The following KDM4B variants were observed in gnomAD, a reference collection of about 807,000 sequenced individuals.
KDM4B encodes lysine-specific demethylase 4B.
In KDM4B, 32 loss-of-function variants were observed where a neutral mutation model predicts 125.2. The ratio of observed to expected loss-of-function variants is 0.26; its 90% confidence interval spans 0.19 to 0.34. KDM4B has a LOEUF of 0.34. Among genes scored for constraint, KDM4B ranks in the 10% least tolerant of loss-of-function variants. KDM4B has a pLI of 1.00. For synonymous variants in KDM4B, 721 were observed against 677.9 expected (o/e 1.06, Z -0.99); for missense variants, 1,190 against 1,577.7 (o/e 0.75, Z 4.16).
At chr19:5,086,326 C>G (rs973248588) in intron 9 of KDM4B, among the ~76,000 whole-genome samples, 1 of 151,954 alleles carries the variant, frequency 6.6e-6, no homozygotes, top group Admixed American at 6.6e-5. Flanking sequence ...AGCTAGGGCT[C>G]GGATCTGGTA....
intron 1 of KDM4B, among the ~76,000 whole-genome samples, chr19:4,980,421 C>CTTTTTT (rs572345837): frequency 9.1e-5 from 10 of 109,728 alleles, no homozygotes; most frequent in Non-Finnish European, 1.1e-4. Context: ...CCTTTTCTTT[C>CTTTTTT]TTTTTTTTTT....
chr19:5,080,288 T>C (rs2038249628), intron 8 of KDM4B, among the ~76,000 whole-genome samples: 1 of 152,236 alleles, frequency 6.6e-6, no homozygotes, highest in South Asian at 2.1e-4. Flanking sequence ...TCTGATGGCT[T>C]ATTGGCGACT....
chr19:4,977,680 C>G (rs2034495598), intron 1 of KDM4B, among the ~76,000 whole-genome samples: 1 of 152,200 alleles, frequency 6.6e-6, no homozygotes, highest in South Asian at 2.1e-4. Context: ...TTCCTTTTGA[C>G]CACAGAGCCA....
chr19:5,077,521 C>A, intron 8 of KDM4B, 51 bp downstream of exon 8: 2 of 1,504,044 alleles, frequency 1.3e-6, no homozygotes, highest in East Asian at 2.3e-5. Flanking sequence ...GTACCGGGTC[C>A]AAGCCCAGGT....
chr19:5,109,136 C>T (rs892446139), intron 9 of KDM4B, among the ~76,000 whole-genome samples: 3 of 152,224 alleles, frequency 2.0e-5, no homozygotes, highest in South Asian at 2.1e-4. Flanking sequence ...CAGAGTTTCT[C>T]GAAGCTGAAA....
In KDM4B at chr19:5,021,614, A is replaced by G. The variant is rs116039699; in HGVS notation, c.-26+5275A>G. ...AACAAACACTGAAGGAAAAGAGTAG[A>G]TAGAGTGCAGGCCTGGCACAGGTTT... On this transcript the variant is annotated intron_variant, in intron 2 of 22. Coordinates refer to ENST00000159111, the MANE Select transcript of KDM4B (RefSeq NM_015015.3). Among the ~76,000 whole-genome samples, 136 of 150,818 alleles carry G rather than the reference A, an allele frequency of 9.0e-4. 2 individuals carry two copies. The highest frequency in any genetic ancestry group is 2.8e-3 in the African/African-American group (116 of 41,060).
rs1012193653 is a variant in KDM4B, at chr19:5,002,913, T to A, written c.-108-13344T>A. The stretch of plus-strand genomic sequence containing the variant: ...CTGCCATGAGCTATGATCACACCAC[T>A]GTACTCCAGCCTGAGTGACAGAGCG... On this transcript the variant is annotated intron_variant, in intron 1 of 22. Coordinates refer to ENST00000159111, the MANE Select transcript of KDM4B (RefSeq NM_015015.3). Among the ~76,000 whole-genome samples, 17 of 152,166 alleles carry A rather than the reference T, an allele frequency of 1.1e-4. 1 individual carries two copies. Among genetic ancestry groups the A allele is most frequent in the African/African-American group, 4.1e-4 (17 of 41,446 alleles).
intron 9 of KDM4B, among the ~76,000 whole-genome samples, chr19:5,083,034 G>A (rs1394016173): frequency 6.6e-6 from 1 of 152,178 alleles, no homozygotes; most frequent in African/African-American, 2.4e-5. Context: ...GGTGCTTCCT[G>A]CTGGTGGGGT....
At chr19:5,144,615 G>A (rs1487914987) in intron 20 of KDM4B, among the ~76,000 whole-genome samples, 168 bp from the exon 21 acceptor site, 1 of 152,194 alleles carries the variant, frequency 6.6e-6, no homozygotes, top group Non-Finnish European at 1.5e-5. Flanking sequence ...AGCAGAAAGC[G>A]ACCCGCAGCC....
chr19:5,072,514 C>T (rs1176847441), intron 7 of KDM4B, among the ~76,000 whole-genome samples: 1 of 152,190 alleles, frequency 6.6e-6, no homozygotes, highest in Non-Finnish European at 1.5e-5. Context: ...AGAAATTCTG[C>T]AGTCACAGAC....
At position 5,131,165 on chromosome 19, in the gene KDM4B, C is replaced by A; in HGVS notation, c.1405C>A (p.Pro469Thr). 1 of 1,577,422 alleles carries A rather than the reference C, an allele frequency of 6.3e-7. No homozygotes were observed. ...FGLLPPQLPPPPAHFPSEEAL... is the reference protein window; with the variant it reads ...FGLLPPQLPPTPAHFPSEEAL... ...CCTGCTGCCCCCACAGCTGCCGCCC[C>A]CGCCTGCTCACTTCCCCTCAGAGGA... The change falls in exon 12 of 23, where the codon CCG becomes ACG. Residue 469 changes from proline (P) to threonine (T), a missense_variant. Pro to Thr is a conservative substitution (Grantham distance 38). Transcript: ENST00000159111.
chr19:5,130,820 A>G (rs929711878), intron 11 of KDM4B, among the ~76,000 whole-genome samples: 1 of 152,228 alleles, frequency 6.6e-6, no homozygotes, highest in Non-Finnish European at 1.5e-5. Context: ...GGGTCCTCAC[A>G]GGCCTTGGCA....
intron 5 of KDM4B, among the ~76,000 whole-genome samples, chr19:5,042,424 C>T (rs866139395): frequency 4.0e-5 from 6 of 151,588 alleles, no homozygotes; most frequent in Non-Finnish European, 5.9e-5. Context: ...CGCTTGAACC[C>T]GGGAGGTGGA....
intron 6 of KDM4B, among the ~76,000 whole-genome samples, chr19:5,065,362 A>G (rs2037735871): frequency 6.6e-6 from 1 of 152,260 alleles, no homozygotes; most frequent in Non-Finnish European, 1.5e-5. Context: ...TGACACACTC[A>G]TTTAATTTTT....
chr19:5,000,770 G>A (rs1490932051), intron 1 of KDM4B, among the ~76,000 whole-genome samples: 7 of 152,032 alleles, frequency 4.6e-5, no homozygotes, highest in African/African-American at 1.7e-4. Context: ...TTGTGTTTTG[G>A]ACAAGGATTT....
chr19:4,980,421 CTT>C (rs572345837), intron 1 of KDM4B, among the ~76,000 whole-genome samples: 30,552 of 108,290 alleles, frequency 0.28, 3,376 homozygotes, highest in East Asian at 0.62. Context: ...CCTTTTCTTT[CTT>C]TTTTTTTTTT....
intron 15 of KDM4B, among the ~76,000 whole-genome samples, chr19:5,136,234 T>C (rs960937070): frequency 2.6e-5 from 4 of 152,174 alleles, no homozygotes; most frequent in African/African-American, 9.7e-5. Flanking sequence ...CACAGTGAGA[T>C]TGCAGCGTGG....
intron 6 of KDM4B, among the ~76,000 whole-genome samples, chr19:5,053,420 G>A (rs992579918): frequency 2.0e-5 from 3 of 152,338 alleles, no homozygotes; most frequent in East Asian, 1.9e-4. Flanking sequence ...AGGAAGAAGC[G>A]GTTTAGAACA....
rs577932748 is a variant in KDM4B at position 5,138,146 on chromosome 19, G to A, written c.2550+76G>A. ...GCCATGCTCGGCTCCCCACCTGCGC[G>A]ATCTGAAGCGGTCTTTCCTCCAAGC... On this transcript the variant is annotated intron_variant, in intron 18 of 22. Transcript: ENST00000159111. 528 of 1,118,738 alleles carry A rather than the reference G, an allele frequency of 4.7e-4. 1 individual carries two copies. The highest frequency in any genetic ancestry group is 6.5e-4 in the Non-Finnish European group (494 of 765,536). The allele number at this position is 1,118,738 out of a possible 1,614,324, so 69.3% of individuals were successfully genotyped here.
Sources: gnomAD v4.1 joint callset for allele counts (sites outside exome capture counted in the v4.1 genomes callset) on GRCh38, gnomAD v4.1.1 for gene constraint, MANE v1.5 for transcripts, NCBI Gene and HGNC (gene_info 2026-07-23, HGNC 2026-07-21) for gene names.